Variants in D2HGDH observed in about 807,000 individuals in gnomAD.
The protein encoded by D2HGDH is D-2-hydroxyglutarate dehydrogenase, also known as D-2-hydroxyglutarate dehydrogenase, mitochondrial.
A neutral mutation model predicts 46.9 loss-of-function variants in D2HGDH; 31 were observed. That is an observed-to-expected ratio of 0.66 (90% CI 0.50 to 0.89). The LOEUF is 0.89. D2HGDH is among the 40% of genes least tolerant of loss of function. The pLI, the probability that D2HGDH is intolerant of heterozygous loss-of-function variation, is 0.00. For synonymous variants in D2HGDH, 364 were observed against 332.6 expected (o/e 1.09, Z -1.03); for missense variants, 698 against 720.8 (o/e 0.97, Z 0.36).
At chr2:241,746,902 A>C (rs564999559) in intron 6 of D2HGDH, among the ~76,000 whole-genome samples, 1 of 152,218 alleles carries the variant, frequency 6.6e-6, no homozygotes, top group African/African-American at 2.4e-5. Flanking sequence ...AAAAAAAAAA[A>C]AACTTTGAAT....
intron 9 of D2HGDH, among the ~76,000 whole-genome samples, chr2:241,756,408 C>T (rs1316116369): frequency 1.3e-5 from 2 of 152,248 alleles, no homozygotes; most frequent in Non-Finnish European, 2.9e-5. Flanking sequence ...CCCAGCTGCT[C>T]TACCCCTTCA....
chr2:241,748,829 T>C, intron 6 of D2HGDH: 2 of 1,206,296 alleles, frequency 1.7e-6, no homozygotes, highest in South Asian at 1.4e-5. Flanking sequence ...TCATCCAGGT[T>C]TTCTGTGTTC....
chr2:241,761,732 C>T (rs1006143111), intron 9 of D2HGDH, among the ~76,000 whole-genome samples: 5 of 152,152 alleles, frequency 3.3e-5, no homozygotes, highest in African/African-American at 1.2e-4. Context: ...ACACATAACC[C>T]TGTCACCATG....
chr2:241,749,718 G>A (rs568403792), intron 6 of D2HGDH: 70 of 330,832 alleles, frequency 2.1e-4, no homozygotes, highest in East Asian at 8.2e-4. Flanking sequence ...GTGGTTCTTC[G>A]GCGCCTTCCC....
chr2:241,748,975 CA>C (rs1446347828), intron 6 of D2HGDH: 111 of 1,268,368 alleles, frequency 8.8e-5, no homozygotes, highest in Admixed American at 5.1e-4. Context: ...CTCTTCGTGC[CA>C]CGCCCACGTC....
At chr2:241,752,163 C>T (rs1473057178) in intron 8 of D2HGDH, among the ~76,000 whole-genome samples, 1 of 152,170 alleles carries the variant, frequency 6.6e-6, no homozygotes, top group African/African-American at 2.4e-5. Context: ...CTCGTGTTAG[C>T]CTGGGTGTTG....
At chr2:241,749,211 C>T (rs1038518669) in intron 6 of D2HGDH, 3 of 958,082 alleles carry the variant, frequency 3.1e-6, no homozygotes, top group African/African-American at 3.5e-5. Context: ...CCACCTCCCA[C>T]ACCCCAGCCC....
At chr2:241,736,175 T>G (rs1692758825) in intron 2 of D2HGDH, 1 of 151,824 alleles carries the variant, frequency 6.6e-6, no homozygotes, top group Admixed American at 6.6e-5. Context: ...CCCGCCCCAC[T>G]CACCTCTAAA....
intron 6 of D2HGDH, among the ~76,000 whole-genome samples, chr2:241,747,857 C>T (rs190552099): frequency 5.2e-4 from 79 of 152,220 alleles, no homozygotes; most frequent in Admixed American, 1.8e-3. Context: ...GCACCTGCGT[C>T]GGGCTCCATT....
rs375775579 is a variant in D2HGDH at position 241,742,590 on chromosome 2, C to T, written c.490+16C>T. On this transcript the variant is annotated intron_variant, in intron 4 of 9. Transcript: ENST00000321264. The surrounding 1 kb of genome is among the most constrained non-coding windows in gnomAD (Gnocchi z 4.8). ...AGCGTGTCTGGTAAGCCTGTGCCAC[C>T]CGTCGGGGCCCAGGAGTCCCTCCTG... 278 of 1,613,992 alleles carry T rather than the reference C, an allele frequency of 1.7e-4. 1 individual carries two copies. The African/African-American group carries it at 3.3e-3, about 19-fold the overall frequency.
At chr2:241,763,340 C>T (rs146250265) in intron 9 of D2HGDH, among the ~76,000 whole-genome samples, 61 of 152,304 alleles carry the variant, frequency 4.0e-4, no homozygotes, top group African/African-American at 1.4e-3. Context: ...ATGCCGGAAG[C>T]AGTTGTGACA....
intron 9 of D2HGDH, among the ~76,000 whole-genome samples, chr2:241,759,226 C>T (rs970099405): frequency 2.0e-5 from 3 of 152,070 alleles, no homozygotes; most frequent in African/African-American, 4.8e-5. Context: ...GTATACGTCG[C>T]GTGTTCATTC....
chr2:241,751,178 G>A, intron 7 of D2HGDH, 68 bp from the exon 8 acceptor site: 5 of 1,609,196 alleles, frequency 3.1e-6, no homozygotes, highest in East Asian at 2.2e-5. Flanking sequence ...TGTTCTGCCC[G>A]AGCAGCCCTG....
At chr2:241,744,953 T>A in intron 6 of D2HGDH, 76 bp downstream of exon 6, 1 of 1,586,352 alleles carries the variant, frequency 6.3e-7, no homozygotes, top group Non-Finnish European at 8.6e-7. Context: ...ACTGTTGGTG[T>A]GAGGAAGGGG....
intron 2 of D2HGDH, among the ~76,000 whole-genome samples, chr2:241,739,382 G>A (rs776731136): frequency 9.2e-5 from 14 of 152,228 alleles, no homozygotes; most frequent in Non-Finnish European, 1.6e-4. Flanking sequence ...CGCAGTGAGC[G>A]CAGGTGCCAG....
chr2:241,756,162 T>A, intron 9 of D2HGDH, 148 bp downstream of exon 9: 1 of 1,228,116 alleles, frequency 8.1e-7, no homozygotes. Flanking sequence ...GACCACGGTG[T>A]CTGACAGGGA....
At chr2:241,747,647 C>T (rs1389632205) in intron 6 of D2HGDH, among the ~76,000 whole-genome samples, 2 of 151,050 alleles carry the variant, frequency 1.3e-5, no homozygotes, top group African/African-American at 4.9e-5. Context: ...TGGCTCACTG[C>T]AGCCTTGAAC....
At chr2:241,758,552 G>A (rs1398984541) in intron 9 of D2HGDH, among the ~76,000 whole-genome samples, 2 of 151,892 alleles carry the variant, frequency 1.3e-5, no homozygotes, top group Non-Finnish European at 2.9e-5. Context: ...CCACAGCCTC[G>A]ACCTTCTGGG....
In D2HGDH at chr2:241,751,371, G is replaced by A. The variant is rs267606759; in HGVS notation, c.1123G>A (p.Asp375Asn). Residue 375 changes from aspartate to asparagine, a missense_variant, in exon 8 of 10, where the codon GAC (aspartate) becomes AAC (asparagine). Coordinates refer to ENST00000321264, the MANE Select transcript of D2HGDH (RefSeq NM_152783.5). ...GGTGACCGATGGGACCATGGCCACC[G>A]ACCAGAGGAAAGTCAAGGTGCCCTG... ...GLVTDGTMAT[D>N]QRKVKMLWAL... is the part of the protein sequence containing the mutation. 5.6e-6 allele frequency: 9 copies of A among 1,613,400 alleles called. No individual in the cohort carries two copies. Among genetic ancestry groups the A allele is most frequent in the South Asian group, 4.4e-5 (4 of 91,068 alleles).
Sources: gnomAD v4.1 joint callset for allele counts (sites outside exome capture counted in the v4.1 genomes callset) on GRCh38, gnomAD v4.1.1 for gene constraint, Gnocchi (gnomAD v3.1) non-coding constraint, MANE v1.5 for transcripts, NCBI Gene and HGNC (gene_info 2026-07-23, HGNC 2026-07-21) for gene names.